FER1L6: variants seen among roughly 807,000 people sequenced by gnomAD.
FER1L6 encodes the protein fer-1-like protein 6.
Under a neutral mutation model 219.2 loss-of-function variants are expected in FER1L6, and 177 were observed. The ratio of observed to expected loss-of-function variants is 0.81; its 90% confidence interval spans 0.71 to 0.91. The LOEUF (loss-of-function observed/expected upper bound fraction) is 0.91. Ranked by LOEUF, FER1L6 falls within the 40% of genes least tolerant of loss-of-function variation. FER1L6 has a pLI of 0.00. For synonymous variants in FER1L6, 768 were observed against 824.3 expected, an observed-to-expected ratio of 0.93 and a Z score of 1.17; for missense variants, 2,153 against 2,259.9, an observed-to-expected ratio of 0.95 and a Z score of 0.96.
intron 18 of FER1L6, 140 bp from the exon 19 acceptor site, chr8:124,035,137 T>A (rs1819141645): frequency 1.2e-6 from 1 of 853,778 alleles, no homozygotes; most frequent in African/African-American, 1.7e-5. Context: ...TGTCTTTATT[T>A]TGATTTAAGA....
intron 29 of FER1L6, among the ~76,000 whole-genome samples, chr8:124,069,717 C>T (rs1467410343): frequency 6.6e-6 from 1 of 152,172 alleles, no homozygotes; most frequent in African/African-American, 2.4e-5. Context: ...GTGGACCTTA[C>T]AAAGTAATCT....
intron 15 of FER1L6, 148 bp downstream of exon 15, chr8:124,013,679 C>T (rs892723893): frequency 1.5e-5 from 7 of 468,674 alleles, no homozygotes; most frequent in African/African-American, 1.0e-4. Flanking sequence ...TAATTTCACT[C>T]GTGCTTGTGG....
Position 123,853,471 on chromosome 8 carries a change from A to AT in FER1L6, c.-8+1291dup, listed in dbSNP as rs1816561503. Among the ~76,000 whole-genome samples, 2 of 152,196 alleles carry AT rather than the reference A, an allele frequency of 1.3e-5. No homozygotes were observed. The highest frequency in any genetic ancestry group is 1.5e-5 in the Non-Finnish European group (1 of 68,024). ...TACCCGGCCTAAAATAGAAGAAATC[A>AT]TTTTTATTCAACAGTTCTTAGAAAG... On this transcript the variant is annotated intron_variant, in intron 1 of 40. Transcript: ENST00000522917. This position sits in a 1 kb window ranked among gnomAD's most constrained non-coding sequence, Gnocchi z 6.6.
intron 1 of FER1L6, among the ~76,000 whole-genome samples, chr8:123,877,531 A>G (rs541790718): frequency 3.3e-4 from 50 of 152,152 alleles, no homozygotes; most frequent in African/African-American, 1.2e-3. Context: ...ATGGCCAAAC[A>G]CCTTCAGCAG....
chr8:124,032,393 C>G (rs1032945192), intron 18 of FER1L6, among the ~76,000 whole-genome samples: 3 of 151,992 alleles, frequency 2.0e-5, no homozygotes, highest in Non-Finnish European at 4.4e-5. Flanking sequence ...CCACTGCACT[C>G]TAGCTTGGGT....
chr8:123,898,823 G>GTATATATATACATACATATGTA (rs1554613209), intron 1 of FER1L6, among the ~76,000 whole-genome samples: 1 of 108,182 alleles, frequency 9.2e-6, no homozygotes, highest in Non-Finnish European at 2.0e-5. Context: ...ATACATATGT[G>GTATATATATACATACATATGTA]TATATATATA....
intron 18 of FER1L6, among the ~76,000 whole-genome samples, chr8:124,032,891 G>C (rs374401123): frequency 7.9e-5 from 12 of 152,226 alleles, no homozygotes; most frequent in African/African-American, 2.9e-4. Context: ...GCGTCCATCA[G>C]GAGAAATCAG....
At position 123,980,516 on chromosome 8, in the gene FER1L6, G is replaced by T; in HGVS notation, c.1115G>T (p.Arg372Met). 1 of 1,614,120 alleles carries T rather than the reference G, an allele frequency of 6.2e-7. No individual in the cohort carries two copies. Among genetic ancestry groups the T allele is most frequent in the Non-Finnish European group, 8.5e-7 (1 of 1,180,004 alleles). ...PAWINLYGSPRNHSLMDDYQE... is the reference protein window; with the variant it reads ...PAWINLYGSPMNHSLMDDYQE... Reference sequence around the variant, plus strand: ...TGGATTAACCTGTATGGCTCGCCCAGGAACCACAGTCTGATGGATGACTAC... The same window carrying T: ...TGGATTAACCTGTATGGCTCGCCCATGAACCACAGTCTGATGGATGACTAC... Residue 372 changes from arginine (R) to methionine (M), a missense_variant, in exon 11 of 41, where the codon AGG becomes ATG. Coordinates refer to ENST00000522917, the MANE Select transcript of FER1L6 (RefSeq NM_001039112.2).
At chr8:123,895,782 A>G (rs1427209905) in intron 1 of FER1L6, among the ~76,000 whole-genome samples, 2 of 152,204 alleles carry the variant, frequency 1.3e-5, no homozygotes, top group Non-Finnish European at 2.9e-5. Flanking sequence ...CAACCTTAAG[A>G]AAATCACAGG....
chr8:124,089,509 A>G (rs971881382), intron 33 of FER1L6, among the ~76,000 whole-genome samples: 4 of 152,200 alleles, frequency 2.6e-5, no homozygotes, highest in Non-Finnish European at 5.9e-5. Context: ...TATAATTTCA[A>G]TTTGGTGTTC....
chr8:124,055,550 C>CTT (rs1427139125), intron 22 of FER1L6, among the ~76,000 whole-genome samples: 1 of 152,160 alleles, frequency 6.6e-6, no homozygotes, highest in East Asian at 1.9e-4. Context: ...ATTCTCCATA[C>CTT]TTAGAACACT....
chr8:123,942,156 C>T (rs1209948967), intron 1 of FER1L6, among the ~76,000 whole-genome samples: 2 of 152,058 alleles, frequency 1.3e-5, no homozygotes, highest in Non-Finnish European at 2.9e-5. Flanking sequence ...GCCTTGGGAG[C>T]TACTATTTAA....
At chr8:124,003,039 C>T (rs117745415) in intron 12 of FER1L6, 128 bp from the exon 13 acceptor site, 10,518 of 722,722 alleles carry the variant, frequency 0.015, 116 homozygotes, top group Middle Eastern at 0.02. Flanking sequence ...GATCATTGCT[C>T]TTTCTACCTT....
intron 15 of FER1L6, chr8:124,014,529 T>C (rs984294362): frequency 6.6e-6 from 1 of 152,598 alleles, no homozygotes; most frequent in African/African-American, 2.4e-5. Flanking sequence ...TTAAAGAGTC[T>C]CTCTTGGTGC....
At chr8:124,079,835 G>C (rs150565680) in intron 32 of FER1L6, among the ~76,000 whole-genome samples, 10 of 152,306 alleles carry the variant, frequency 6.6e-5, no homozygotes, top group African/African-American at 2.4e-4. Flanking sequence ...AAGTTCTGCA[G>C]ATCTGGAGCA....
intron 10 of FER1L6, 95 bp from the exon 11 acceptor site, chr8:123,980,370 C>T (rs1816268689): frequency 5.0e-6 from 5 of 1,007,388 alleles, no homozygotes; most frequent in East Asian, 2.5e-5. Context: ...TATTTTCTTT[C>T]GTCTTTCTTG....
At chr8:124,005,349 C>T (rs1452861122) in intron 13 of FER1L6, among the ~76,000 whole-genome samples, 1 of 152,222 alleles carries the variant, frequency 6.6e-6, no homozygotes, top group Non-Finnish European at 1.5e-5. Context: ...TTTCTGGCCA[C>T]TCCACAAATT....
At position 123,974,659 on chromosome 8, in the gene FER1L6, CAAAA is replaced by C. The variant is rs994690186; in HGVS notation, c.527-471_527-468del. ...CAGGCATCACAGCGAGACTCTGTCT[CAAAA>C]AAAAAAAAAAAAAAAAAAAGAAATG... is the stretch of plus-strand genomic sequence containing the variant. On this transcript the variant is annotated intron_variant, in intron 7 of 40. Transcript: ENST00000522917. 6.2e-3 allele frequency among the ~76,000 whole-genome samples: 294 copies of C among 47,776 alleles called. 2 individuals carry two copies. Among genetic ancestry groups the C allele is most frequent in the African/African-American group, 0.018 (270 of 15,192 alleles). 31.3% of individuals were successfully genotyped at this position (47,776 alleles called of 152,430 possible).
intron 1 of FER1L6, among the ~76,000 whole-genome samples, chr8:123,867,627 G>A (rs374850883): frequency 6.6e-6 from 1 of 152,098 alleles, no homozygotes; most frequent in Non-Finnish European, 1.5e-5. Context: ...TGGTTGTTTT[G>A]AGAATAAAAA....
Sources: gnomAD v4.1 joint callset for allele counts (sites outside exome capture counted in the v4.1 genomes callset) on GRCh38, gnomAD v4.1.1 for gene constraint, Gnocchi (gnomAD v3.1) non-coding constraint, MANE v1.5 for transcripts, NCBI Gene and HGNC (gene_info 2026-07-23, HGNC 2026-07-21) for gene names.